Variants in DNAH6 observed in about 807,000 individuals in gnomAD.
DNAH6 encodes dynein axonemal heavy chain 6, also known as axonemal beta dynein heavy chain 6.
Under a neutral mutation model 491.4 loss-of-function variants are expected in DNAH6, and 340 were observed. The ratio of observed to expected loss-of-function variants is 0.69; its 90% CI spans 0.63 to 0.76. DNAH6 has a LOEUF of 0.76. DNAH6 is among the 30% of genes least tolerant of loss of function. The pLI, the probability that DNAH6 is intolerant of heterozygous loss-of-function variation, is 0.00. For missense variants in DNAH6, 4,443 were observed against 4,972.2 expected (o/e 0.89, Z 3.20); for synonymous variants, 1,603 against 1,686.1 (o/e 0.95, Z 1.21).
chr2:84,718,736 G>A (rs575621230), intron 59 of DNAH6, among the ~76,000 whole-genome samples: 103 of 152,324 alleles, frequency 6.8e-4, no homozygotes, highest in African/African-American at 2.4e-3. Context: ...CTCCTCCTCA[G>A]AACTTCTATA....
chr2:84,690,190 A>G (rs1694707104), intron 45 of DNAH6, among the ~76,000 whole-genome samples: 1 of 152,188 alleles, frequency 6.6e-6, no homozygotes, highest in Non-Finnish European at 1.5e-5. Context: ...ACTACATTTT[A>G]GCGTTGGTCC....
the DNAH6 span, among the ~76,000 whole-genome samples, chr2:84,477,247 G>C: frequency 6.6e-6 from 1 of 152,168 alleles, no homozygotes; most frequent in Admixed American, 6.5e-5. Flanking sequence ...CTACAGCTGT[G>C]ATGGTTTAGC....
chr2:84,773,737 T>A (rs1675859109), intron 64 of DNAH6, among the ~76,000 whole-genome samples: 1 of 152,138 alleles, frequency 6.6e-6, no homozygotes, highest in Admixed American at 6.6e-5. Context: ...CAATGCAGCC[T>A]CACCAGCATC....
chr2:84,653,954 T>C, intron 34 of DNAH6, 80 bp downstream of exon 34: 1 of 1,102,060 alleles, frequency 9.1e-7, no homozygotes, highest in Non-Finnish European at 1.3e-6. Context: ...CACACTGATG[T>C]AGCCTTTACT....
chr2:84,535,067 TTTAC>T (rs1373062126), intron 4 of DNAH6, among the ~76,000 whole-genome samples: 3 of 151,958 alleles, frequency 2.0e-5, no homozygotes, highest in Non-Finnish European at 4.4e-5. Flanking sequence ...ATTTTATAAT[TTTAC>T]TTCTTAAATT....
chr2:84,705,454 A>C, intron 51 of DNAH6, 32 bp from the exon 52 acceptor site: 1 of 1,494,628 alleles, frequency 6.7e-7, no homozygotes, highest in Non-Finnish European at 8.9e-7. Flanking sequence ...ACTTCATTTC[A>C]GTGCCATTAA....
intron 64 of DNAH6, among the ~76,000 whole-genome samples, chr2:84,776,308 C>G (rs145329100): frequency 1.9e-3 from 295 of 152,286 alleles, no homozygotes; most frequent in African/African-American, 6.6e-3. Flanking sequence ...AGTGGTGCCT[C>G]AGAGGTGGTA....
chr2:84,576,247 G>A (rs1336775159), intron 12 of DNAH6, among the ~76,000 whole-genome samples: 1 of 152,088 alleles, frequency 6.6e-6, no homozygotes, highest in South Asian at 2.1e-4. Flanking sequence ...TGCTGTTTCT[G>A]TCTTATATTA....
intron 54 of DNAH6, among the ~76,000 whole-genome samples, chr2:84,708,813 C>T (rs1283492826): frequency 4.6e-5 from 7 of 152,190 alleles, no homozygotes; most frequent in Non-Finnish European, 8.8e-5. Flanking sequence ...ATAATACTCT[C>T]ATATAGACTC....
chr2:84,666,469 G>A (rs1339800808), intron 37 of DNAH6, among the ~76,000 whole-genome samples: 1 of 152,098 alleles, frequency 6.6e-6, no homozygotes, highest in African/African-American at 2.4e-5. Context: ...GAGACAAACA[G>A]AGAGCCAAAT....
At chr2:84,579,492 G>T (rs376368765) in intron 13 of DNAH6, 35 bp from the exon 14 acceptor site, 24 of 1,604,170 alleles carry the variant, frequency 1.5e-5, no homozygotes, top group Admixed American at 1.3e-4. Context: ...GAAAATATTC[G>T]ACTATTTACA....
intron 2 of DNAH6, among the ~76,000 whole-genome samples, chr2:84,522,096 A>G (rs1676202797): frequency 6.6e-6 from 1 of 152,104 alleles, no homozygotes; most frequent in African/African-American, 2.4e-5. Flanking sequence ...GATTCTTCCT[A>G]TCACGGAGAG....
At position 84,716,975 on chromosome 2, in the gene DNAH6, C is replaced by T. The variant is rs537595873; in HGVS notation, c.9612-1229C>T. On this transcript the variant is annotated intron_variant, in intron 58 of 76. Transcript: ENST00000389394. The stretch of plus-strand genomic sequence containing the variant: ...CAGTGATACACATTGTGCTCAATTT[C>T]TCATTGCAATTTTCCTCAGATCCTC... Among the ~76,000 whole-genome samples, 10 of 152,292 alleles carry T rather than the reference C, an allele frequency of 6.6e-5. No individual in the cohort carries two copies. The South Asian group carries it at 2.1e-3, about 32-fold the overall frequency.
intron 42 of DNAH6, among the ~76,000 whole-genome samples, chr2:84,683,876 AT>A (rs1260060764): frequency 6.6e-6 from 1 of 152,094 alleles, no homozygotes; most frequent in Non-Finnish European, 1.5e-5. Context: ...CTTCATCACA[AT>A]CTAAGTCATT....
chr2:84,517,918 A>G lies in DNAH6; in HGVS notation c.92A>G (p.Lys31Arg). The change falls in exon 2 of 77, where the codon AAA becomes AGA. Residue 31 changes from lysine to arginine, a missense_variant. Transcript: ENST00000389394. ...NSALSRLNNI[K>R]AKQRVSYVTS... ...GCACTTTCAAGACTGAATAATATAA[A>G]AGCCAAACAAAGAGTGAGTTATGTG... 1 of 1,551,848 alleles carries G rather than the reference A, an allele frequency of 6.4e-7. No homozygotes were observed.
At chr2:84,612,179 GACA>G (rs1373386540) in intron 22 of DNAH6, among the ~76,000 whole-genome samples, 3 of 151,956 alleles carry the variant, frequency 2.0e-5, no homozygotes, top group Non-Finnish European at 4.4e-5. Flanking sequence ...TCAGAATTTT[GACA>G]ACGAGACAAA....
intron 64 of DNAH6, chr2:84,777,305 T>C (rs559659417): frequency 3.5e-6 from 1 of 281,738 alleles, no homozygotes; most frequent in South Asian, 6.5e-5. Flanking sequence ...AAATGCACTC[T>C]TCTTCAAACA....
At chr2:84,472,090 G>T in the DNAH6 span, among the ~76,000 whole-genome samples, 4 of 152,056 alleles carry the variant, frequency 2.6e-5, no homozygotes, top group African/African-American at 9.7e-5. Flanking sequence ...CTTTTGTCCT[G>T]TCAGGTGTTG....
chr2:84,489,788 A>G, the DNAH6 span, among the ~76,000 whole-genome samples: 1 of 152,154 alleles, frequency 6.6e-6, no homozygotes, highest in Non-Finnish European at 1.5e-5. Context: ...ATGCCTCAGA[A>G]TCACCCAGAA....
Sources: allele counts gnomAD v4.1 joint callset (sites outside exome capture counted in the v4.1 genomes callset), GRCh38; gene constraint gnomAD v4.1.1; transcripts MANE v1.5; gene names NCBI Gene and HGNC (gene_info 2026-07-23, HGNC 2026-07-21).